The following APBB2 variants were observed in gnomAD, a reference collection of about 807,000 sequenced individuals.
The protein encoded by APBB2 is Fe65-like 1.
Under a neutral mutation model 82.5 loss-of-function variants are expected in APBB2, and 38 were observed. The observed-to-expected ratio is 0.46, with a 90% CI of 0.36 to 0.60. The LOEUF is 0.60. Among genes scored for constraint, APBB2 ranks in the 20% least tolerant of loss-of-function variants. The pLI, the probability that APBB2 is intolerant of heterozygous loss-of-function variation, is 0.00. For synonymous variants in APBB2, 341 were observed against 368.2 expected, an observed-to-expected ratio of 0.93 and a Z score of 0.85; for missense variants, 772 against 972.3, an observed-to-expected ratio of 0.79 and a Z score of 2.74.
chr4:40,932,172 C>CATCA (rs535812102), intron 10 of APBB2, among the ~76,000 whole-genome samples: 1 of 152,280 alleles, frequency 6.6e-6, no homozygotes, highest in Non-Finnish European at 1.5e-5. Context: ...GCTCCACATA[C>CATCA]ATCACTGCCC....
At chr4:41,164,103 G>C (rs1765868777) in intron 1 of APBB2, among the ~76,000 whole-genome samples, 1 of 152,274 alleles carries the variant, frequency 6.6e-6, no homozygotes, top group Non-Finnish European at 1.5e-5. Context: ...TGGAGCCCAA[G>C]TCTAAACATG....
chr4:41,154,746 GT>G (rs1763056259), intron 1 of APBB2, among the ~76,000 whole-genome samples: 1 of 152,078 alleles, frequency 6.6e-6, no homozygotes, highest in African/African-American at 2.4e-5. Flanking sequence ...CATATTGAGT[GT>G]TTTTTGGTCC....
rs1386250282 is a variant in APBB2 at position 41,007,633 on chromosome 4, C to CAGGGTG, written c.835+5949_835+5950insCACCCT. On this transcript the variant is annotated intron_variant, in intron 6 of 17. Coordinates refer to ENST00000508593, the MANE Select transcript of APBB2 (RefSeq NM_004307.2). ...AGCCTAGAACATAAATAAGAATCACCCTATCTGAGTGTTCTAAACAACTAT... is the reference window on the plus strand; with the variant it reads ...AGCCTAGAACATAAATAAGAATCACCAGGGTGCTATCTGAGTGTTCTAAACAACTAT... Among the ~76,000 whole-genome samples, 14 of 152,182 alleles carry CAGGGTG rather than the reference C, an allele frequency of 9.2e-5. No homozygotes were observed. In the East Asian group the frequency reaches 1.7e-3, roughly 19 times the overall value.
At chr4:41,159,168 G>A (rs1346438560) in intron 1 of APBB2, among the ~76,000 whole-genome samples, 1 of 152,122 alleles carries the variant, frequency 6.6e-6, no homozygotes, top group Non-Finnish European at 1.5e-5. Context: ...AAACTCACTA[G>A]GCCTTAATGC....
chr4:40,922,741 G>C (rs1305563873), intron 10 of APBB2, among the ~76,000 whole-genome samples: 2 of 151,806 alleles, frequency 1.3e-5, no homozygotes, highest in African/African-American at 4.8e-5. Flanking sequence ...CTCCTGAGTA[G>C]CTGGGACTCC....
intron 1 of APBB2, among the ~76,000 whole-genome samples, chr4:41,159,636 A>G (rs975701512): frequency 2.6e-5 from 4 of 152,252 alleles, no homozygotes; most frequent in East Asian, 3.9e-4. Context: ...TAATCTGTCA[A>G]TTCTTATAGA....
chr4:41,051,204 T>G (rs2154459744), intron 4 of APBB2, among the ~76,000 whole-genome samples: 1 of 152,208 alleles, frequency 6.6e-6, no homozygotes, highest in African/African-American at 2.4e-5. Context: ...ATTCTTAAGC[T>G]GGGAAGGGGA....
chr4:41,178,305 TAA>T (rs1770370904), intron 1 of APBB2, among the ~76,000 whole-genome samples: 2 of 152,342 alleles, frequency 1.3e-5, no homozygotes, highest in Middle Eastern at 3.4e-3. Context: ...TTAAACTTCC[TAA>T]AGCAATGTTG....
At chr4:41,202,365 GT>G (rs1776906174) in intron 1 of APBB2, among the ~76,000 whole-genome samples, 1 of 152,040 alleles carries the variant, frequency 6.6e-6, no homozygotes, top group Admixed American at 6.6e-5. Flanking sequence ...GTTCTCTTTT[GT>G]TCCCAATTAG....
intron 6 of APBB2, among the ~76,000 whole-genome samples, chr4:40,979,052 G>T (rs1250855837): frequency 6.6e-6 from 1 of 152,146 alleles, no homozygotes; most frequent in Non-Finnish European, 1.5e-5. Flanking sequence ...CTTCCACTGA[G>T]ATGGTTTCTC....
chr4:40,985,760 A>C (rs1428064115), intron 6 of APBB2, among the ~76,000 whole-genome samples: 1 of 152,214 alleles, frequency 6.6e-6, no homozygotes, highest in African/African-American at 2.4e-5. Context: ...GTATTAAAAC[A>C]ACAGAAAGAT....
intron 10 of APBB2, among the ~76,000 whole-genome samples, chr4:40,921,946 G>C (rs138006566): frequency 6.6e-6 from 1 of 152,152 alleles, no homozygotes; most frequent in Non-Finnish European, 1.5e-5. Context: ...CGTGTCTGCC[G>C]AGAGAATGAG....
At chr4:40,994,564 A>G (rs570802824) in intron 6 of APBB2, among the ~76,000 whole-genome samples, 16 of 152,238 alleles carry the variant, frequency 1.1e-4, no homozygotes, top group Non-Finnish European at 2.1e-4. Context: ...CTGTAATCCC[A>G]GCACTTTGGG....
chr4:41,139,811 T>C (rs1758584251), intron 2 of APBB2, among the ~76,000 whole-genome samples: 1 of 152,214 alleles, frequency 6.6e-6, no homozygotes. Context: ...GTGAAACTAT[T>C]TTGTATGATA....
chr4:40,819,723 CT>C (rs565149349), intron 17 of APBB2, among the ~76,000 whole-genome samples: 447 of 152,376 alleles, frequency 2.9e-3, no homozygotes, highest in Non-Finnish European at 5.0e-3. Flanking sequence ...CTCCCCCTCA[CT>C]GGCAAACTTT....
intron 2 of APBB2, among the ~76,000 whole-genome samples, chr4:41,117,120 A>C (rs1394648494): frequency 6.6e-6 from 1 of 151,964 alleles, no homozygotes; most frequent in East Asian, 1.9e-4. Context: ...ACTCTCAGTG[A>C]CACTCTGCAG....
intron 1 of APBB2, among the ~76,000 whole-genome samples, chr4:41,184,842 C>T (rs1772433377): frequency 6.6e-6 from 1 of 152,228 alleles, no homozygotes; most frequent in African/African-American, 2.4e-5. Context: ...CACTGCAGAG[C>T]TCTCTGGAAG....
Position 41,054,104 on chromosome 4 carries a change from G to T in APBB2, c.-51+11472C>A, listed in dbSNP as rs183152260. Among the ~76,000 whole-genome samples, 737 of 152,318 alleles carry T rather than the reference G, an allele frequency of 4.8e-3. 4 individuals carry two copies. The highest frequency in any genetic ancestry group is 6.9e-3 in the Non-Finnish European group (467 of 68,022). ...TGGCTTGAAAACAACCTCAGGGCAG[G>T]TATCTCTGAGGCTCTTGGACTTTCC... is the stretch of plus-strand genomic sequence containing the variant. On this transcript the variant is annotated intron_variant, in intron 4 of 17. Coordinates refer to ENST00000508593, the MANE Select transcript of APBB2 (RefSeq NM_004307.2).
At chr4:40,834,696 C>G (rs1383447812) in intron 12 of APBB2, among the ~76,000 whole-genome samples, 1 of 152,168 alleles carries the variant, frequency 6.6e-6, no homozygotes, top group Non-Finnish European at 1.5e-5. Flanking sequence ...GCGGGAGGCA[C>G]TTTCTTCCTA....
Sources: gnomAD v4.1 joint callset for allele counts (sites outside exome capture counted in the v4.1 genomes callset) on GRCh38, gnomAD v4.1.1 for gene constraint, MANE v1.5 for transcripts, NCBI Gene and HGNC (gene_info 2026-07-23, HGNC 2026-07-21) for gene names.